The following HS3ST4 variants were observed in gnomAD, a reference collection of about 807,000 sequenced individuals.
HS3ST4 encodes the protein heparan sulfate glucosamine 3-O-sulfotransferase 4.
HS3ST4 carries 17 observed loss-of-function variants against 29.2 expected under a neutral mutation model. The ratio of observed to expected loss-of-function variants is 0.58; its 90% CI spans 0.40 to 0.87. HS3ST4 has a LOEUF of 0.87. Among genes scored for constraint, HS3ST4 ranks in the 40% least tolerant of loss-of-function variants. The pLI, the probability that HS3ST4 is intolerant of heterozygous loss-of-function variation, is 0.00. For synonymous variants in HS3ST4, 314 were observed against 285.7 expected (o/e 1.10, Z -1.00); for missense variants, 627 against 634.5 (o/e 0.99, Z 0.13).
chr16:26,032,841 G>C (rs142595504), intron 1 of HS3ST4: 2 of 1,566,916 alleles, frequency 1.3e-6, no homozygotes, highest in Non-Finnish European at 8.7e-7. Context: ...GCAGGACGTA[G>C]GTGCTGGACG....
chr16:25,750,389 G>A (rs1050449126), intron 1 of HS3ST4, among the ~76,000 whole-genome samples: 4 of 152,176 alleles, frequency 2.6e-5, no homozygotes, highest in African/African-American at 9.7e-5. Flanking sequence ...GCAATCACTA[G>A]CCCAACTGTG....
chr16:26,115,230 T>A (rs1899185108), intron 1 of HS3ST4, among the ~76,000 whole-genome samples: 1 of 135,922 alleles, frequency 7.4e-6, no homozygotes, highest in Admixed American at 7.2e-5. Context: ...TTCATGTATA[T>A]GTGTGTATGT....
chr16:25,864,033 G>T, intron 1 of HS3ST4, among the ~76,000 whole-genome samples: 1 of 119,842 alleles, frequency 8.3e-6, no homozygotes. Flanking sequence ...GCCTCTTCGC[G>T]TGGGCATCCT....
chr16:25,722,597 T>A (rs1008232981), intron 1 of HS3ST4, among the ~76,000 whole-genome samples: 7 of 152,188 alleles, frequency 4.6e-5, no homozygotes, highest in African/African-American at 7.2e-5. Flanking sequence ...CTATTTCAAG[T>A]GGATTTTGGA....
intron 1 of HS3ST4, among the ~76,000 whole-genome samples, chr16:25,869,933 C>T (rs565322542): frequency 2.0e-5 from 3 of 152,248 alleles, no homozygotes; most frequent in East Asian, 1.9e-4. Flanking sequence ...AGTAACTTGG[C>T]CAAGATGCAC....
chr16:25,985,180 C>T (rs769446374), intron 1 of HS3ST4, among the ~76,000 whole-genome samples: 4 of 152,190 alleles, frequency 2.6e-5, no homozygotes, highest in Non-Finnish European at 5.9e-5. Context: ...GCTTACCTTA[C>T]AGGGTTGCAT....
chr16:25,755,114 T>TTCCACCCC (rs369504432), intron 1 of HS3ST4, among the ~76,000 whole-genome samples: 1 of 151,774 alleles, frequency 6.6e-6, no homozygotes, highest in Admixed American at 6.6e-5. Context: ...CCATTCATCC[T>TTCCACCCC]TCCACCCCTC....
Position 26,137,006 on chromosome 16 carries a change from T to C in HS3ST4, c.*758T>C, listed in dbSNP as rs779553651. The C allele has an allele frequency of 2.6e-5, 4 of 152,228 alleles. No homozygotes were observed. The highest frequency in any genetic ancestry group is 6.5e-5 in the Admixed American group (1 of 15,270). 9.4% of individuals were successfully genotyped at this position (152,228 alleles called of 1,614,324 possible). ...CTGGGTTGTGCAGAAGCTTAGCATA[T>C]GCCCTTGTGTTCGGATCAGGCCCAC... On this transcript the variant is annotated 3_prime_UTR_variant, in exon 2 of 2. Transcript: ENST00000331351.
chr16:25,974,087 C>G (rs547842240), intron 1 of HS3ST4, among the ~76,000 whole-genome samples: 2 of 152,210 alleles, frequency 1.3e-5, no homozygotes, highest in African/African-American at 2.4e-5. Flanking sequence ...CTCTTACATA[C>G]GCTTCTTACA....
chr16:25,886,255 A>G (rs1596602766), intron 1 of HS3ST4, among the ~76,000 whole-genome samples: 1 of 151,096 alleles, frequency 6.6e-6, no homozygotes, highest in South Asian at 2.1e-4. Flanking sequence ...CTGGTCTTGA[A>G]CTCCTGACCC....
At chr16:25,898,747 A>G (rs1260261128) in intron 1 of HS3ST4, among the ~76,000 whole-genome samples, 1 of 152,244 alleles carries the variant, frequency 6.6e-6, no homozygotes, top group African/African-American at 2.4e-5. Flanking sequence ...ACTCTGCCTG[A>G]GGCTTGCTCT....
chr16:25,901,705 C>T (rs1596608262), intron 1 of HS3ST4, among the ~76,000 whole-genome samples: 1 of 151,982 alleles, frequency 6.6e-6, no homozygotes, highest in East Asian at 1.9e-4. Context: ...CATCTTTCTT[C>T]TTCCTTTCTC....
At chr16:26,007,205 G>A (rs1025908484) in intron 1 of HS3ST4, among the ~76,000 whole-genome samples, 2 of 152,200 alleles carry the variant, frequency 1.3e-5, no homozygotes, top group East Asian at 1.9e-4. Flanking sequence ...TTACAGAAAG[G>A]CACATGCTCT....
rs1226682349 is a variant in HS3ST4 at position 25,993,206 on chromosome 16, G to A, written c.735-142406G>A. On this transcript the variant is annotated intron_variant, in intron 1 of 1. Transcript: ENST00000331351. Reference sequence around the variant, plus strand: ...TCATTGCTGTCATGGAATGCCATAAGCTGAGGGGTTGAGTCTGGGTTCTGT... The same window carrying A: ...TCATTGCTGTCATGGAATGCCATAAACTGAGGGGTTGAGTCTGGGTTCTGT... Among the ~76,000 whole-genome samples, 3 of 152,176 alleles carry A rather than the reference G, an allele frequency of 2.0e-5. No homozygotes were observed. In the South Asian group the frequency reaches 6.2e-4, roughly 32 times the overall value.
intron 1 of HS3ST4, among the ~76,000 whole-genome samples, chr16:25,806,351 G>GA (rs995633666): frequency 6.6e-6 from 1 of 151,804 alleles, no homozygotes; most frequent in African/African-American, 2.4e-5. Context: ...CTACGTGGGG[G>GA]CAGGACATTA....
At chr16:25,740,276 G>C (rs777564736) in intron 1 of HS3ST4, among the ~76,000 whole-genome samples, 18 of 152,176 alleles carry the variant, frequency 1.2e-4, no homozygotes, top group Non-Finnish European at 1.5e-4. Context: ...AGGTTGACTA[G>C]AGGGGATTTA....
At chr16:25,811,510 T>C (rs967572844) in intron 1 of HS3ST4, among the ~76,000 whole-genome samples, 5 of 148,286 alleles carry the variant, frequency 3.4e-5, no homozygotes, top group Non-Finnish European at 5.9e-5. Flanking sequence ...CTCGGCCCAC[T>C]GCAACCTCCG....
intron 1 of HS3ST4, among the ~76,000 whole-genome samples, chr16:25,752,438 C>T (rs1056363788): frequency 6.6e-6 from 1 of 151,936 alleles, no homozygotes; most frequent in Admixed American, 6.6e-5. Context: ...TCACATTTGT[C>T]ATAATGAGGA....
intron 1 of HS3ST4, among the ~76,000 whole-genome samples, chr16:26,072,861 T>C (rs982465528): frequency 2.6e-5 from 4 of 152,224 alleles, no homozygotes; most frequent in Non-Finnish European, 4.4e-5. Flanking sequence ...ACTTTCAAGA[T>C]CATTGAGTTT....
Sources: allele counts gnomAD v4.1 joint callset (sites outside exome capture counted in the v4.1 genomes callset), GRCh38; gene constraint gnomAD v4.1.1; transcripts MANE v1.5; gene names NCBI Gene and HGNC (gene_info 2026-07-23, HGNC 2026-07-21).